Variants in ZBTB38 observed in about 807,000 individuals in gnomAD.
The protein encoded by ZBTB38 is zinc finger and BTB domain-containing protein 38.
Under a neutral mutation model 76.8 loss-of-function variants are expected in ZBTB38, and 20 were observed. The observed-to-expected ratio is 0.26, with a 90% confidence interval of 0.18 to 0.38. The LOEUF (loss-of-function observed/expected upper bound fraction) is 0.38. Ranked by LOEUF, ZBTB38 falls within the 10% of genes least tolerant of loss-of-function variation. The pLI, the probability that ZBTB38 is intolerant of heterozygous loss-of-function variation, is 1.00. For synonymous variants in ZBTB38, 504 were observed against 544.2 expected (o/e 0.93, Z 1.03); for missense variants, 1,082 against 1,482.3 (o/e 0.73, Z 4.43).
chr3:141,407,356 G>A (rs189137546), intron 5 of ZBTB38, among the ~76,000 whole-genome samples: 3 of 152,262 alleles, frequency 2.0e-5, no homozygotes, highest in African/African-American at 7.2e-5. Flanking sequence ...CTCTAAGCCT[G>A]ACTTTTTCCA....
At chr3:141,419,881 G>A (rs2150125178) in intron 5 of ZBTB38, among the ~76,000 whole-genome samples, 1 of 152,258 alleles carries the variant, frequency 6.6e-6, no homozygotes, top group East Asian at 1.9e-4. Flanking sequence ...AGCTACTCGG[G>A]AAGGCTGAGG....
At position 141,442,312 on chromosome 3, in the gene ZBTB38, C is replaced by A; in HGVS notation, c.1-77C>A. ...TTTCATACAAAAGAACAGTTTTTCA[C>A]AGAAGTGGAAAATAGTCTAGAGATA... On this transcript the variant is annotated intron_variant, in intron 5 of 5. Transcript: ENST00000321464. This position sits in a 1 kb window ranked among gnomAD's most constrained non-coding sequence, Gnocchi z 6.4. 9.0e-7 allele frequency: 1 copy of A among 1,116,480 alleles called. No homozygotes were observed. The allele number at this position is 1,116,480 out of a possible 1,614,324, so 69.2% of individuals were successfully genotyped here.
At chr3:141,347,171 G>A (rs893087357) in intron 1 of ZBTB38, among the ~76,000 whole-genome samples, 2 of 152,204 alleles carry the variant, frequency 1.3e-5, no homozygotes, top group Non-Finnish European at 2.9e-5. Flanking sequence ...CATGGGAATT[G>A]TAGTTGTGCA....
At chr3:141,333,164 G>T (rs1350182632) in intron 1 of ZBTB38, among the ~76,000 whole-genome samples, 1 of 152,190 alleles carries the variant, frequency 6.6e-6, no homozygotes, top group Admixed American at 6.5e-5. Context: ...ACAGTGTAAA[G>T]CCCAGACTCA....
At chr3:141,342,146 G>A (rs911092270) in intron 1 of ZBTB38, among the ~76,000 whole-genome samples, 6 of 152,140 alleles carry the variant, frequency 3.9e-5, no homozygotes, top group African/African-American at 1.4e-4. Flanking sequence ...CCAACATGGT[G>A]AAACCCTGTG....
intron 5 of ZBTB38, chr3:141,434,120 T>C: frequency 2.3e-6 from 2 of 859,118 alleles, no homozygotes; most frequent in Non-Finnish European, 2.8e-6. Flanking sequence ...AGGGAAGATA[T>C]AAATGTGAAC....
chr3:141,418,713 T>C (rs2074657531), intron 5 of ZBTB38, among the ~76,000 whole-genome samples: 1 of 152,222 alleles, frequency 6.6e-6, no homozygotes, highest in South Asian at 2.1e-4. Flanking sequence ...GCATTGAAAA[T>C]GTGTTAGTAG....
chr3:141,437,644 G>A (rs1047121837), intron 5 of ZBTB38, among the ~76,000 whole-genome samples: 1 of 152,172 alleles, frequency 6.6e-6, no homozygotes, highest in African/African-American at 2.4e-5. Flanking sequence ...ATAATTATAT[G>A]TATGTATTAC....
At chr3:141,420,091 G>A (rs1018715582) in intron 5 of ZBTB38, among the ~76,000 whole-genome samples, 4 of 152,184 alleles carry the variant, frequency 2.6e-5, no homozygotes, top group Non-Finnish European at 5.9e-5. Context: ...TTTGGGAGGA[G>A]TCAGGATGAG....
chr3:141,426,021 T>A (rs939322592), intron 5 of ZBTB38: 7 of 589,596 alleles, frequency 1.2e-5, no homozygotes, highest in Admixed American at 2.4e-5. Context: ...GGACACAGCT[T>A]GGATGACATA....
chr3:141,431,323 CAA>C lies in ZBTB38; in HGVS notation c.1-11048_1-11047del, dbSNP rs71976494. On this transcript the variant is annotated intron_variant, in intron 5 of 5. Coordinates refer to ENST00000321464, the MANE Select transcript of ZBTB38 (RefSeq NM_001376113.1). The stretch of plus-strand genomic sequence containing the variant: ...GGGGGACAAGAGCGAGACTTCGTCT[CAA>C]AAAAAAAAAAAAAAAAATATATATA... Among the ~76,000 whole-genome samples, 235 of 101,386 alleles carry C rather than the reference CAA, an allele frequency of 2.3e-3. 9 individuals are homozygous for C. The highest frequency in any genetic ancestry group is 6.3e-3 in the African/African-American group (130 of 20,636). The allele number at this position is 101,386 out of a possible 152,430, so 66.5% of individuals were successfully genotyped here. A position where few individuals can be genotyped will look rare whatever the true frequency, so the allele number is the denominator to read the frequency against.
intron 5 of ZBTB38, among the ~76,000 whole-genome samples, chr3:141,431,341 A>AATATATATATATAT (rs1553771301): frequency 3.9e-5 from 4 of 103,260 alleles, no homozygotes; most frequent in Admixed American, 9.6e-5. Flanking sequence ...AAAAAAAAAA[A>AATATATATATATAT]ATATATATAT....
At chr3:141,418,904 G>A (rs902013702) in intron 5 of ZBTB38, among the ~76,000 whole-genome samples, 1 of 152,162 alleles carries the variant, frequency 6.6e-6, no homozygotes, top group East Asian at 1.9e-4. Flanking sequence ...GAATATTTAC[G>A]TGATCACCTG....
rs575664456 is a variant in ZBTB38, at chr3:141,373,512, C to A, written c.-235+3566C>A. On this transcript the variant is annotated intron_variant, in intron 2 of 5. Transcript: ENST00000321464. ...CTCCTTTCTCCCCATGGGTCAGCAT[C>A]ATGAATGTTCTGTCACTCTCCTTAG... 5.9e-5 allele frequency among the ~76,000 whole-genome samples: 9 copies of A among 152,324 alleles called. No individual in the cohort carries two copies. The South Asian group carries it at 1.9e-3, about 32-fold the overall frequency.
At chr3:141,333,918 C>T (rs1294871214) in intron 1 of ZBTB38, among the ~76,000 whole-genome samples, 1 of 152,104 alleles carries the variant, frequency 6.6e-6, no homozygotes. Context: ...GCCAATTTTT[C>T]AGCTTTGACA....
intron 1 of ZBTB38, among the ~76,000 whole-genome samples, chr3:141,339,140 G>A (rs1390265468): frequency 2.0e-5 from 3 of 152,118 alleles, no homozygotes; most frequent in South Asian, 2.1e-4. Context: ...AGATCAGTAG[G>A]TGCAAAGGCT....
intron 1 of ZBTB38, among the ~76,000 whole-genome samples, chr3:141,330,327 C>T (rs1338589512): frequency 6.6e-6 from 1 of 152,238 alleles, no homozygotes; most frequent in Non-Finnish European, 1.5e-5. Context: ...CTTTGCCCCC[C>T]AGAGCCTTGG....
At chr3:141,356,663 G>A (rs767202512) in intron 1 of ZBTB38, among the ~76,000 whole-genome samples, 37 of 152,192 alleles carry the variant, frequency 2.4e-4, no homozygotes, top group Admixed American at 1.1e-3. Context: ...TCTCCTCATC[G>A]AGTTGGTCAA....
At chr3:141,372,952 T>C (rs1464179254) in intron 2 of ZBTB38, among the ~76,000 whole-genome samples, 1 of 152,194 alleles carries the variant, frequency 6.6e-6, no homozygotes, top group African/African-American at 2.4e-5. Flanking sequence ...TGAATGGTGT[T>C]AGGGTTGGGG....
Sources: allele counts gnomAD v4.1 joint callset (sites outside exome capture counted in the v4.1 genomes callset), GRCh38; gene constraint gnomAD v4.1.1; non-coding constraint Gnocchi (gnomAD v3.1); transcripts MANE v1.5; gene names NCBI Gene and HGNC (gene_info 2026-07-23, HGNC 2026-07-21).